The following MPEG1 variants were observed in gnomAD, a reference collection of about 807,000 sequenced individuals.
The protein encoded by MPEG1 is macrophage expressed 1.
For synonymous variants in MPEG1, 365 were observed against 351.9 expected (o/e 1.04, Z -0.42); for missense variants, 876 against 880.3 (o/e 1.00, Z 0.06).
chr11:59,209,855 CGT>C lies in MPEG1; in HGVS notation c.*858_*859del, dbSNP rs60035424. On this transcript the variant is annotated 3_prime_UTR_variant, in exon 1 of 1. Coordinates refer to ENST00000361050, the MANE Select transcript of MPEG1 (RefSeq NM_001039396.2). ...CTTATTGAAATGTGGTATGTGTGTGCGTGTGTGTGTGTGTGTGTGTGTGTGTG... is the reference window on the plus strand; with the variant it reads ...CTTATTGAAATGTGGTATGTGTGTGCGTGTGTGTGTGTGTGTGTGTGTGTG... 14,453 of 52,504 alleles carry C rather than the reference CGT, an allele frequency of 0.28. 1,713 individuals are homozygous for C. The highest frequency in any genetic ancestry group is 0.37 in the Admixed American group (2,072 of 5,530). The allele number at this position is 52,504 out of a possible 1,614,324, so 3.3% of individuals were successfully genotyped here. A position where few individuals can be genotyped will look rare whatever the true frequency, so the allele number is the denominator to read the frequency against.
rs1316304920 is a variant in MPEG1, at chr11:59,210,100, G to C, written c.*615C>G. The C allele has an allele frequency of 6.6e-6, 1 of 152,466 alleles. No individual in the cohort carries two copies. Among genetic ancestry groups the C allele is most frequent in the Non-Finnish European group, 1.5e-5 (1 of 68,306 alleles). The allele number at this position is 152,466 out of a possible 1,614,324, so 9.4% of individuals were successfully genotyped here. On this transcript the variant is annotated 3_prime_UTR_variant, in exon 1 of 1. Coordinates refer to ENST00000361050, the MANE Select transcript of MPEG1 (RefSeq NM_001039396.2). Reference sequence around the variant, plus strand: ...GAAGTCCAAGAGTGGTCTGGTATAAGGGAGTGTTCATCAAGGGGCAGCTGG... The same window carrying C: ...GAAGTCCAAGAGTGGTCTGGTATAACGGAGTGTTCATCAAGGGGCAGCTGG...
Position 59,211,344 on chromosome 11 carries a change from CAA to C in MPEG1, c.1520_1521del (p.Phe507Ter). 1 of 1,614,166 alleles carries C rather than the reference CAA, an allele frequency of 6.2e-7. No homozygotes were observed. Among genetic ancestry groups the C allele is most frequent in the South Asian group, 1.1e-5 (1 of 91,074 alleles). On this transcript the variant is annotated frameshift_variant, in exon 1 of 1. Coordinates refer to ENST00000361050, the MANE Select transcript of MPEG1 (RefSeq NM_001039396.2). LOFTEE classifies it low-confidence loss of function (END_TRUNC). ...TGAGAAACACATACCTTGAGGTTTT[CAA>C]AGAGTCTCAGTGGAAAGTAGCCGGC... ...CPAGYFPLRLFENLKVCVSQD... is the reference protein window; with the variant it reads ...CPAGYFPLRLXENLKVCVSQD...
In MPEG1 at chr11:59,212,680, A is replaced by G. The variant is rs1167133018; in HGVS notation, c.186T>C (p.Val62=). 1 of 1,614,214 alleles carries G rather than the reference A, an allele frequency of 6.2e-7. No individual in the cohort carries two copies. Among genetic ancestry groups the G allele is most frequent in the Admixed American group, 1.7e-5 (1 of 60,032 alleles). Residue 62 remains valine (V), a synonymous_variant, in exon 1 of 1, where the codon GTT becomes GTC. Transcript: ENST00000361050. ...DNLRNVDMGR[V]MELTYSNCRT... is the part of the protein sequence containing the mutation. Reference sequence around the variant, plus strand: ...TGCAGTTGGAGTAAGTCAATTCCATAACTCGTCCCATGTCCACATTCCGCA... The same window carrying G: ...TGCAGTTGGAGTAAGTCAATTCCATGACTCGTCCCATGTCCACATTCCGCA...
chr11:59,208,587 C>T lies in MPEG1; in HGVS notation c.*2128G>A, dbSNP rs1862846402. 1 of 152,146 alleles carries T rather than the reference C, an allele frequency of 6.6e-6. No individual in the cohort carries two copies. The highest frequency in any genetic ancestry group is 2.4e-5 in the African/African-American group (1 of 41,422). The allele number at this position is 152,146 out of a possible 1,614,324, so 9.4% of individuals were successfully genotyped here. A position where few individuals can be genotyped will look rare whatever the true frequency, so the allele number is the denominator to read the frequency against. ...CAAAAATAAAATGCAAATACAGAGCCAGCTTTGTCACCCAAATCTGTGTCT... is the reference window on the plus strand; with the variant it reads ...CAAAAATAAAATGCAAATACAGAGCTAGCTTTGTCACCCAAATCTGTGTCT... On this transcript the variant is annotated 3_prime_UTR_variant, in exon 1 of 1. Coordinates refer to ENST00000361050, the MANE Select transcript of MPEG1 (RefSeq NM_001039396.2).
chr11:59,212,741 A>T lies in MPEG1; in HGVS notation c.125T>A (p.Val42Asp). 1 of 1,614,188 alleles carries T rather than the reference A, an allele frequency of 6.2e-7. No homozygotes were observed. The change falls in exon 1 of 1, where the codon GTC (valine) becomes GAC (aspartate). Residue 42 changes from valine (V) to aspartate (D), a missense_variant. Coordinates refer to ENST00000361050, the MANE Select transcript of MPEG1 (RefSeq NM_001039396.2). ...QKCKNALKLP[V>D]LEVLPGGGWD... ...GCCCCCTCCAGGTAGGACTTCCAGG[A>T]CAGGTAGTTTCAAGGCATTCTTGCA...
chr11:59,211,689 C>A lies in MPEG1; in HGVS notation c.1177G>T (p.Asp393Tyr), dbSNP rs762814998. ...TCCAACTTTTGGCAGAGGAGGACAT[C>A]CCTATTCCCTGAGAGCTGAGTGCAT... ...QECTQLSGNR[D>Y]VLLCQKLEQK... Residue 393 changes from aspartate to tyrosine, a missense_variant, in exon 1 of 1, where the codon GAT (aspartate) becomes TAT (tyrosine). By Grantham distance (160) the Asp-to-Tyr change is radical. Transcript: ENST00000361050. 1.3e-5 allele frequency: 21 copies of A among 1,614,070 alleles called. No individual in the cohort carries two copies. Among genetic ancestry groups the A allele is most frequent in the Non-Finnish European group, 1.7e-5 (20 of 1,180,056 alleles).
rs778642169 is a variant in MPEG1 at position 59,212,305 on chromosome 11, C to T, written c.561G>A (p.Thr187=). Residue 187 remains threonine (T), a synonymous_variant, in exon 1 of 1, where the codon ACG becomes ACA. Coordinates refer to ENST00000361050, the MANE Select transcript of MPEG1 (RefSeq NM_001039396.2). ...DISDRLENNQ[T]RMATYLAELL... is the part of the protein sequence containing the mutation. The stretch of plus-strand genomic sequence containing the variant: ...GTTCTGCCAGGTAGGTGGCCATCCT[C>T]GTCTGGTTGTTCTCTAGACGGTCAG... 6.3e-5 allele frequency: 102 copies of T among 1,613,762 alleles called. No homozygotes were observed. The highest frequency in any genetic ancestry group is 2.3e-4 in the Admixed American group (14 of 60,006).
rs757132960 is a variant in MPEG1 at position 59,212,294 on chromosome 11, G to A, written c.572C>T (p.Thr191Ile). Reference protein sequence around the residue: ...RLENNQTRMATYLAELLVLNY... With the variant: ...RLENNQTRMAIYLAELLVLNY... ...GAGCACCAGGAGTTCTGCCAGGTAG[G>A]TGGCCATCCTCGTCTGGTTGTTCTC... is the stretch of plus-strand genomic sequence containing the variant. The change falls in exon 1 of 1, where the codon ACC becomes ATC. Residue 191 changes from threonine (T) to isoleucine (I), a missense_variant. Thr to Ile is a moderately conservative substitution (Grantham distance 89, BLOSUM62 -1). Transcript: ENST00000361050. 2.5e-6 allele frequency: 4 copies of A among 1,613,782 alleles called. No homozygotes were observed. The African/African-American group carries it at 5.3e-5, about 22-fold the overall frequency.
rs371318082 is a variant in MPEG1, at chr11:59,211,916, T to C, written c.950A>G (p.Asn317Ser). The C allele has an allele frequency of 1.1e-5, 17 of 1,613,576 alleles. No individual in the cohort carries two copies. Among genetic ancestry groups the C allele is most frequent in the Non-Finnish European group, 1.4e-5 (16 of 1,179,846 alleles). ...GGGGCCTGGCAAGTCAGGTAGCATGTTGGGGTTGATGAAGAAATGCAGCGG... is the reference window on the plus strand; with the variant it reads ...GGGGCCTGGCAAGTCAGGTAGCATGCTGGGGTTGATGAAGAAATGCAGCGG... ...GLPLHFFINPNMLPDLPGPLV... is the reference protein window; with the variant it reads ...GLPLHFFINPSMLPDLPGPLV... Residue 317 changes from asparagine to serine, a missense_variant, in exon 1 of 1, where the codon AAC (asparagine) becomes AGC (serine). Asn to Ser is a conservative substitution (Grantham distance 46). Coordinates refer to ENST00000361050, the MANE Select transcript of MPEG1 (RefSeq NM_001039396.2).
In MPEG1 at chr11:59,212,554, C is replaced by G; in HGVS notation, c.312G>C (p.Trp104Cys). 1 of 1,614,110 alleles carries G rather than the reference C, an allele frequency of 6.2e-7. No homozygotes were observed. Among genetic ancestry groups the G allele is most frequent in the Non-Finnish European group, 8.5e-7 (1 of 1,180,036 alleles). ...LEMNSEILESWANYQSSTSYS... is the reference protein window; with the variant it reads ...LEMNSEILESCANYQSSTSYS... ...AGGAGGTGCTACTCTGGTAATTTGC[C>G]CAGGATTCCAGGATTTCTGAGTTCA... Residue 104 changes from tryptophan to cysteine, a missense_variant, in exon 1 of 1, where the codon TGG becomes TGC. Physicochemically the swap from Trp to Cys is radical, Grantham distance 215. Transcript: ENST00000361050.
chr11:59,211,015 A>G lies in MPEG1; in HGVS notation c.1851T>C (p.Asn617=). 1 of 1,614,134 alleles carries G rather than the reference A, an allele frequency of 6.2e-7. No homozygotes were observed. Among genetic ancestry groups the G allele is most frequent in the South Asian group, 1.1e-5 (1 of 91,076 alleles). Residue 617 remains asparagine (N), a synonymous_variant, in exon 1 of 1, where the codon AAT becomes AAC. Coordinates refer to ENST00000361050, the MANE Select transcript of MPEG1 (RefSeq NM_001039396.2). ...GGGAGTCTTTAATCCAGGATCTCGCATTCTCAGAATTGGTCACTATGACAG... is the reference window on the plus strand; with the variant it reads ...GGGAGTCTTTAATCCAGGATCTCGCGTTCTCAGAATTGGTCACTATGACAG... ...TNTVIVTNSE[N]ARSWIKDSQT...
At position 59,212,754 on chromosome 11, in the gene MPEG1, A is replaced by T; in HGVS notation, c.112T>A (p.Leu38Met). Residue 38 changes from leucine to methionine, a missense_variant, in exon 1 of 1, where the codon TTG becomes ATG. Coordinates refer to ENST00000361050, the MANE Select transcript of MPEG1 (RefSeq NM_001039396.2). ...EVGVQKCKNA[L>M]KLPVLEVLPG... ...AGGACTTCCAGGACAGGTAGTTTCA[A>T]GGCATTCTTGCATTTTTGAACTCCA... 2 of 1,614,204 alleles carry T rather than the reference A, an allele frequency of 1.2e-6. No homozygotes were observed. The highest frequency in any genetic ancestry group is 1.7e-6 in the Non-Finnish European group (2 of 1,180,034).
rs544864 is a variant in MPEG1 at position 59,211,467 on chromosome 11, C to T, written c.1399G>A (p.Ala467Thr). 0.28 allele frequency: 459,115 copies of T among 1,613,900 alleles called. 67,425 individuals carry two copies. The highest frequency in any genetic ancestry group is 0.41 in the Admixed American group (24,851 of 60,004). Residue 467 changes from alanine to threonine, a missense_variant, in exon 1 of 1, where the codon GCC (alanine) becomes ACC (threonine). By Grantham distance (58) the Ala-to-Thr change is moderately conservative. Transcript: ENST00000361050. ...GAGTTTTCAGGTACTTGGCTGCTGGCCACACACCAAAAAGCCCTAAATTCA... is the reference window on the plus strand; with the variant it reads ...GAGTTTTCAGGTACTTGGCTGCTGGTCACACACCAAAAAGCCCTAAATTCA... Reference protein sequence around the residue: ...KAEFRAFWCVASSQVPENSGL... With the variant: ...KAEFRAFWCVTSSQVPENSGL...
rs769411721 is a variant in MPEG1, at chr11:59,211,285, G to A, written c.1581C>T (p.Pro527=). 35 of 1,614,064 alleles carry A rather than the reference G, an allele frequency of 2.2e-5. No homozygotes were observed. The African/African-American group carries it at 4.3e-4, about 20-fold the overall frequency. Residue 527 remains proline, a synonymous_variant, in exon 1 of 1, where the codon CCC becomes CCT. Transcript: ENST00000361050. ...DYELGSRFAV[P]FGGFFSCTVG... Reference sequence around the variant, plus strand: ...CTGTGCAGCTAAAGAACCCGCCAAAGGGGACCGCAAACCTGCTTCCCAACT... The same window carrying A: ...CTGTGCAGCTAAAGAACCCGCCAAAAGGGACCGCAAACCTGCTTCCCAACT...
rs1332703347 is a variant in MPEG1, at chr11:59,212,826, C to A, written c.40G>T (p.Ala14Ser). The A allele has an allele frequency of 6.2e-7, 1 of 1,614,050 alleles. No individual in the cohort carries two copies. The highest frequency in any genetic ancestry group is 8.5e-7 in the Non-Finnish European group (1 of 1,180,012). The part of the protein sequence containing the change: ...FRATILFWAA[A>S]AWAKSGKPSG... Reference sequence around the variant, plus strand: ...GGCTTGCCTGATTTAGCCCATGCTGCCGCTGCCCAGAAGAGGATGGTGGCC... The same window carrying A: ...GGCTTGCCTGATTTAGCCCATGCTGACGCTGCCCAGAAGAGGATGGTGGCC... Residue 14 changes from alanine to serine, a missense_variant, in exon 1 of 1, where the codon GCA becomes TCA. Ala to Ser is a moderately conservative substitution (Grantham distance 99, BLOSUM62 1). Transcript: ENST00000361050.
In MPEG1 at chr11:59,210,249, T is replaced by A. The variant is rs2135531392; in HGVS notation, c.*466A>T. 1 of 155,674 alleles carries A rather than the reference T, an allele frequency of 6.4e-6. No homozygotes were observed. Among genetic ancestry groups the A allele is most frequent in the East Asian group, 1.9e-4 (1 of 5,262 alleles). The allele number at this position is 155,674 out of a possible 1,614,324, so 9.6% of individuals were successfully genotyped here. On this transcript the variant is annotated 3_prime_UTR_variant, in exon 1 of 1. Coordinates refer to ENST00000361050, the MANE Select transcript of MPEG1 (RefSeq NM_001039396.2). ...AAGCAGTAGCCAGGCAAGACTTGTG[T>A]CTTTTCAGGGCTCTTCCAGGCTCTA...
Position 59,212,366 on chromosome 11 carries a change from A to G in MPEG1, c.500T>C (p.Leu167Pro). The G allele has an allele frequency of 6.2e-7, 1 of 1,614,236 alleles. No individual in the cohort carries two copies. The highest frequency in any genetic ancestry group is 1.3e-5 in the African/African-American group (1 of 75,052). ...GAGTTCCTTCCTAAAACCTGAGCTT[A>G]GCTCTAAAGTTGGGTTGATTTTGAC... ...YTVKINPTLE[L>P]SSGFRKELLD... The change falls in exon 1 of 1, where the codon CTA becomes CCA. Residue 167 changes from leucine (L) to proline (P), a missense_variant. Transcript: ENST00000361050.
Position 59,210,960 on chromosome 11 carries a change from T to A in MPEG1, c.1906A>T (p.Ile636Leu), listed in dbSNP as rs1736767457. The change falls in exon 1 of 1, where the codon ATA becomes TTA. Residue 636 changes from isoleucine to leucine, a missense_variant. Ile to Leu is a conservative substitution (Grantham distance 5). Transcript: ENST00000361050. ...ACATTCATGGCCCTCCGCAGCTCTA[T>A]CGGTTCTCCCAGCCTCCACTGGTGG... ...QTHQWRLGEP[I>L]ELRRAMNVIH... 1 of 1,614,052 alleles carries A rather than the reference T, an allele frequency of 6.2e-7. No individual in the cohort carries two copies. Among genetic ancestry groups the A allele is most frequent in the African/African-American group, 1.3e-5 (1 of 74,922 alleles).
In MPEG1 at chr11:59,211,553, T is replaced by G; in HGVS notation, c.1313A>C (p.Lys438Thr). ...CTTGCAGAAGACGAGGAGAGTGCAC[T>G]TTCGATGACACTCCAGGTGGTTGTA... ...EGYNHLECHR[K>T]CTLLVFCKTV... Residue 438 changes from lysine (K) to threonine (T), a missense_variant, in exon 1 of 1, where the codon AAG becomes ACG. Coordinates refer to ENST00000361050, the MANE Select transcript of MPEG1 (RefSeq NM_001039396.2). 1 of 1,614,184 alleles carries G rather than the reference T, an allele frequency of 6.2e-7. No individual in the cohort carries two copies. Among genetic ancestry groups the G allele is most frequent in the South Asian group, 1.1e-5 (1 of 91,078 alleles).
Sources: allele counts gnomAD v4.1 joint callset, GRCh38; gene constraint gnomAD v4.1.1; transcripts MANE v1.5; gene names NCBI Gene and HGNC (gene_info 2026-07-23, HGNC 2026-07-21).